Variants in SLC44A5 observed in about 807,000 individuals in gnomAD.
SLC44A5 encodes the protein solute carrier family 44 member 5.
Under a neutral mutation model 101.8 loss-of-function variants are expected in SLC44A5, and 57 were observed. The ratio of observed to expected loss-of-function variants is 0.56; its 90% CI spans 0.45 to 0.70. SLC44A5 has a LOEUF of 0.70. Among genes scored for constraint, SLC44A5 ranks in the 30% least tolerant of loss-of-function variants. SLC44A5 has a pLI of 0.00. For missense variants in SLC44A5, 737 were observed against 853.1 expected (o/e 0.86, Z 1.70); for synonymous variants, 281 against 290.9 (o/e 0.97, Z 0.35).
At chr1:75,693,656 C>T in the SLC44A5 span, among the ~76,000 whole-genome samples, 9 of 152,022 alleles carry the variant, frequency 5.9e-5, no homozygotes, top group Admixed American at 3.9e-4. Flanking sequence ...GTTCTGAGAA[C>T]TGCATACTGG....
chr1:75,615,368 A>T (rs1474801571), upstream of SLC44A5, among the ~76,000 whole-genome samples: 4 of 149,310 alleles, frequency 2.7e-5, no homozygotes, highest in East Asian at 8.0e-4. Flanking sequence ...GGGAGGGGGG[A>T]TTGGAAGAAA....
intron 1 of SLC44A5, among the ~76,000 whole-genome samples, chr1:75,586,377 G>GTA (rs1308573063): frequency 5.2e-4 from 79 of 151,424 alleles, no homozygotes; most frequent in Non-Finnish European, 9.4e-4. Context: ...ATATGTGTGT[G>GTA]TGTGTGTGTT....
the SLC44A5 span, among the ~76,000 whole-genome samples, chr1:75,672,764 G>C: frequency 6.6e-6 from 1 of 152,140 alleles, no homozygotes; most frequent in Non-Finnish European, 1.5e-5. Context: ...TACCACCTCA[G>C]CCGCAGTAGA....
At chr1:75,464,221 C>CA (rs57630961) in intron 2 of SLC44A5, among the ~76,000 whole-genome samples, 13,538 of 51,810 alleles carry the variant, frequency 0.26, 2,085 homozygotes, top group East Asian at 0.76. Flanking sequence ...GACTCTGTCT[C>CA]AAAAAAAAAA....
intron 5 of SLC44A5, among the ~76,000 whole-genome samples, chr1:75,275,833 T>C (rs375549162): frequency 5.3e-5 from 8 of 152,148 alleles, no homozygotes; most frequent in South Asian, 2.1e-4. Flanking sequence ...ATTTGACTAA[T>C]ACAGTTCCTA....
chr1:75,715,024 T>G, the SLC44A5 span, among the ~76,000 whole-genome samples: 1 of 152,032 alleles, frequency 6.6e-6, no homozygotes, highest in African/African-American at 2.4e-5. Context: ...GACAGCCAAA[T>G]CAAGAATGCA....
Position 75,455,262 on chromosome 1 carries a change from G to A in SLC44A5, c.14-58641C>T, listed in dbSNP as rs183291061. Among the ~76,000 whole-genome samples, 7 of 152,148 alleles carry A rather than the reference G, an allele frequency of 4.6e-5. No homozygotes were observed. The East Asian group carries it at 5.8e-4, about 13-fold the overall frequency. ...GCAAGTCAACAAAAATAAACAATGC[G>A]GAAAGGACTCTCTATTCAATATATG... On this transcript the variant is annotated intron_variant, in intron 2 of 23. Coordinates refer to ENST00000370859, the MANE Select transcript of SLC44A5 (RefSeq NM_001130058.2).
intron 2 of SLC44A5, among the ~76,000 whole-genome samples, chr1:75,535,432 G>A (rs1326518733): frequency 1.3e-5 from 2 of 152,090 alleles, no homozygotes; most frequent in Non-Finnish European, 2.9e-5. Flanking sequence ...CAGTTCTAGG[G>A]TTCTTCCATC....
intron 1 of SLC44A5, among the ~76,000 whole-genome samples, chr1:75,586,890 A>C (rs969294695): frequency 1.5e-5 from 2 of 136,474 alleles, no homozygotes; most frequent in Non-Finnish European, 3.2e-5. Flanking sequence ...TCAATTTGGA[A>C]TAGAGTAAGT....
chr1:75,376,802 C>A (rs1236075486), intron 3 of SLC44A5, among the ~76,000 whole-genome samples: 1 of 152,210 alleles, frequency 6.6e-6, no homozygotes. Context: ...AGTTCCTCAC[C>A]AGCAATGGAA....
chr1:75,647,220 G>A, the SLC44A5 span, among the ~76,000 whole-genome samples: 6 of 152,326 alleles, frequency 3.9e-5, no homozygotes, highest in South Asian at 2.1e-4. Flanking sequence ...GCTTCAGAAC[G>A]TTCAAGCCCC....
At chr1:75,616,093 C>T (rs2102198762), upstream of SLC44A5, among the ~76,000 whole-genome samples, 1 of 151,980 alleles carries the variant, frequency 6.6e-6, no homozygotes, top group Admixed American at 6.5e-5. Context: ...CTCTCGGCCG[C>T]GCCGCTGGCC....
At chr1:75,695,906 G>T in the SLC44A5 span, among the ~76,000 whole-genome samples, 1 of 150,730 alleles carries the variant, frequency 6.6e-6, no homozygotes, top group African/African-American at 2.4e-5. Context: ...TGACATTAGA[G>T]AATGGGGAAC....
intron 7 of SLC44A5, among the ~76,000 whole-genome samples, chr1:75,247,812 C>T (rs1272724504): frequency 1.4e-5 from 2 of 145,964 alleles, no homozygotes; most frequent in African/African-American, 2.5e-5. Context: ...ATGTTGAGGT[C>T]GATGGTATTG....
At chr1:75,509,460 G>C (rs1354410719) in intron 2 of SLC44A5, among the ~76,000 whole-genome samples, 1 of 152,146 alleles carries the variant, frequency 6.6e-6, no homozygotes, top group Admixed American at 6.5e-5. Flanking sequence ...AATGAAAGTG[G>C]TAAAATAAAA....
In SLC44A5 at chr1:75,300,014, CAAAA is replaced by C. The variant is rs35608663; in HGVS notation, c.175+594_175+597del. Among the ~76,000 whole-genome samples, 139 of 93,772 alleles carry C rather than the reference CAAAA, an allele frequency of 1.5e-3. 1 individual carries two copies. Among genetic ancestry groups the C allele is most frequent in the African/African-American group, 3.7e-3 (69 of 18,546 alleles). The allele number at this position is 93,772 out of a possible 152,430, so 61.5% of individuals were successfully genotyped here. A position where few individuals can be genotyped will look rare whatever the true frequency, so the allele number is the denominator to read the frequency against. On this transcript the variant is annotated intron_variant, in intron 5 of 23. Transcript: ENST00000370859. The stretch of plus-strand genomic sequence containing the variant: ...CTGGGAACACAGTGAGACTCTGTCT[CAAAA>C]AAAAAAAAAAAAAAAAAAAAAAATT...
At chr1:75,586,214 G>A (rs1409713170) in intron 1 of SLC44A5, among the ~76,000 whole-genome samples, 1 of 152,046 alleles carries the variant, frequency 6.6e-6, no homozygotes, top group Non-Finnish European at 1.5e-5. Flanking sequence ...TTCTCTGCTT[G>A]TTTTTGAGCT....
intron 23 of SLC44A5, chr1:75,206,689 G>A (rs769375666): frequency 8.7e-6 from 14 of 1,612,186 alleles, no homozygotes; most frequent in Admixed American, 1.7e-5. Context: ...GGGTTTTTCT[G>A]TAGATCCATC....
At chr1:75,471,408 C>T (rs1470516719) in intron 2 of SLC44A5, among the ~76,000 whole-genome samples, 4 of 140,650 alleles carry the variant, frequency 2.8e-5, no homozygotes, top group South Asian at 4.5e-4. Context: ...CACACACACA[C>T]GTACACACAC....
Sources: gnomAD v4.1 joint callset for allele counts (sites outside exome capture counted in the v4.1 genomes callset) on GRCh38, gnomAD v4.1.1 for gene constraint, MANE v1.5 for transcripts, NCBI Gene and HGNC (gene_info 2026-07-23, HGNC 2026-07-21) for gene names.